PLK3: variants seen among roughly 807,000 people sequenced by gnomAD.
The protein encoded by PLK3 is polo like kinase 3, also known as serine/threonine-protein kinase PLK3.
In PLK3, 41 loss-of-function variants were observed where a neutral mutation model predicts 71.6. The ratio of observed to expected loss-of-function variants is 0.57; its 90% CI spans 0.45 to 0.74. The LOEUF is 0.74. PLK3 is among the 30% of genes least tolerant of loss of function. The pLI is 0.00. For missense variants in PLK3, 791 were observed against 875.6 expected (o/e 0.90, Z 1.22); for synonymous variants, 366 against 355.4 (o/e 1.03, Z -0.33).
At chr1:44,804,877 G>A (rs1273622912) in intron 13 of PLK3, 98 bp downstream of exon 13, 6 of 1,207,860 alleles carry the variant, frequency 5.0e-6, no homozygotes, top group South Asian at 2.7e-5. Context: ...AGGCCGAGGC[G>A]GGTGGATTAT....
In PLK3 at chr1:44,800,450, G is replaced by T; in HGVS notation, c.-14G>T. Reference sequence around the variant, plus strand: ...AACCGAGAAGCCGGGACCGCGCTGCGACGCGCCGGCCGCATGGAGCCTGCC... The same window carrying T: ...AACCGAGAAGCCGGGACCGCGCTGCTACGCGCCGGCCGCATGGAGCCTGCC... On this transcript the variant is annotated 5_prime_UTR_variant, in exon 1 of 15. Transcript: ENST00000372201. The surrounding 1 kb of genome is among the most constrained non-coding windows in gnomAD (Gnocchi z 6.5). The T allele has an allele frequency of 1.5e-6, 2 of 1,346,552 alleles. No individual in the cohort carries two copies. Among genetic ancestry groups the T allele is most frequent in the South Asian group, 1.8e-5 (1 of 55,328 alleles). The allele number at this position is 1,346,552 out of a possible 1,614,324, so 83.4% of individuals were successfully genotyped here. A position where few individuals can be genotyped will look rare whatever the true frequency, so the allele number is the denominator to read the frequency against.
In PLK3 at chr1:44,805,374, G is replaced by A; in HGVS notation, c.1744G>A (p.Val582Ile). Reference protein sequence around the residue: ...ALLMLFSDGTVQVNFYGDHTK... With the variant: ...ALLMLFSDGTIQVNFYGDHTK... ...CCTCATGCTGTTTAGTGATGGCACTGTCCAGGTAAGAGCCTATCCAGGAGT... is the reference window on the plus strand; with the variant it reads ...CCTCATGCTGTTTAGTGATGGCACTATCCAGGTAAGAGCCTATCCAGGAGT... The change falls in exon 14 of 15, where the codon GTC (valine) becomes ATC (isoleucine). Residue 582 changes from valine to isoleucine, a missense_variant. By Grantham distance (29) the Val-to-Ile change is conservative. Transcript: ENST00000372201. 1 of 1,612,946 alleles carries A rather than the reference G, an allele frequency of 6.2e-7. No homozygotes were observed. The highest frequency in any genetic ancestry group is 8.5e-7 in the Non-Finnish European group (1 of 1,178,860).
At position 44,800,700 on chromosome 1, in the gene PLK3, G is replaced by A; in HGVS notation, c.210+27G>A. 1.3e-6 allele frequency: 2 copies of A among 1,549,534 alleles called. No individual in the cohort carries two copies. Among genetic ancestry groups the A allele is most frequent in the South Asian group, 1.2e-5 (1 of 85,010 alleles). On this transcript the variant is annotated intron_variant, in intron 1 of 14. Transcript: ENST00000372201. The surrounding 1 kb of genome is among the most constrained non-coding windows in gnomAD (Gnocchi z 6.5). ...TGGGCCGAGGGACGTCCGCGGGGTG[G>A]TGATGGTGGAGGTGGGGGTCCCGGC...
rs17883524 is a variant in PLK3, at chr1:44,805,036, G to A, written c.1636-230G>A. ...AGGAGAATGGGCGAACCCAGGAGGC[G>A]GAGCTTGCAGTGAGCAGAGATGGCG... On this transcript the variant is annotated intron_variant, in intron 13 of 14. Transcript: ENST00000372201. The A allele has an allele frequency of 1.5e-3, 871 of 580,078 alleles. 5 individuals carry two copies. The highest frequency in any genetic ancestry group is 0.012 in the African/African-American group (642 of 53,506). 35.9% of individuals were successfully genotyped at this position (580,078 alleles called of 1,614,324 possible). A position where few individuals can be genotyped will look rare whatever the true frequency, so the allele number is the denominator to read the frequency against.
At chr1:44,802,347 G>A (rs575590100) in intron 5 of PLK3, among the ~76,000 whole-genome samples, 2 of 152,262 alleles carry the variant, frequency 1.3e-5, no homozygotes, top group South Asian at 4.1e-4. Flanking sequence ...TACTTTGTGT[G>A]TGTGACACAG....
In PLK3 at chr1:44,803,417, A is replaced by AGG; in HGVS notation, c.1072+30_1072+31dup. ...GTGAGTCTGGGGTGTCAGTGGGTTG[A>AGG]GGGGGCAGAGCAGTAGAGCGGCTTG... On this transcript the variant is annotated intron_variant, in intron 8 of 14. Coordinates refer to ENST00000372201, the MANE Select transcript of PLK3 (RefSeq NM_004073.4). This position sits in a 1 kb window ranked among gnomAD's most constrained non-coding sequence, Gnocchi z 4.3. 6.2e-7 allele frequency: 1 copy of AGG among 1,613,566 alleles called. No individual in the cohort carries two copies. The highest frequency in any genetic ancestry group is 8.5e-7 in the Non-Finnish European group (1 of 1,179,854).
rs1278103808 is a variant in PLK3 at position 44,803,692 on chromosome 1, G to A, written c.1164+1G>A. On this transcript the variant is annotated splice_donor_variant, in intron 9 of 14. Coordinates refer to ENST00000372201, the MANE Select transcript of PLK3 (RefSeq NM_004073.4). LOFTEE classifies it high-confidence loss of function. This position sits in a 1 kb window ranked among gnomAD's most constrained non-coding sequence, Gnocchi z 4.3. ...TGGCCATCAGGATGCCAGGCCAGAG[G>A]TGAGGCGCTCAGGTGGACACTGTTC... 1 of 1,608,728 alleles carries A rather than the reference G, an allele frequency of 6.2e-7. No individual in the cohort carries two copies. The highest frequency in any genetic ancestry group is 1.3e-5 in the African/African-American group (1 of 74,782).
At chr1:44,805,431 G>A in intron 14 of PLK3, 52 bp downstream of exon 14, 1 of 1,605,438 alleles carries the variant, frequency 6.2e-7, no homozygotes, top group Non-Finnish European at 8.5e-7. Context: ...CAGGGTGCTG[G>A]GGAGGAAGCT....
intron 12 of PLK3, 48 bp from the exon 13 acceptor site, chr1:44,804,602 A>T: frequency 6.2e-7 from 1 of 1,605,464 alleles, no homozygotes; most frequent in South Asian, 1.1e-5. Context: ...TTCTCAGAGG[A>T]GGGGCATTGG....
intron 3 of PLK3, 69 bp downstream of exon 3, chr1:44,801,221 T>G: frequency 1.9e-6 from 2 of 1,064,070 alleles, no homozygotes; most frequent in Admixed American, 2.3e-5. Context: ...TTTTTTTTTT[T>G]TTTTTTGAGA....
chr1:44,800,837 C>T lies in PLK3; in HGVS notation c.211-3C>T. ...CAACCAGCCTGATGCCCCCTCTTCACAGGGGGGCTTCGCCCGCTGCTACGA... is the reference window on the plus strand; with the variant it reads ...CAACCAGCCTGATGCCCCCTCTTCATAGGGGGGCTTCGCCCGCTGCTACGA... On this transcript the variant is annotated splice_polypyrimidine_tract_variant and splice_region_variant and intron_variant, in intron 1 of 14. Transcript: ENST00000372201. This position sits in a 1 kb window ranked among gnomAD's most constrained non-coding sequence, Gnocchi z 6.5. 1 of 1,606,850 alleles carries T rather than the reference C, an allele frequency of 6.2e-7. No homozygotes were observed. The highest frequency in any genetic ancestry group is 2.2e-5 in the East Asian group (1 of 44,754).
rs746698594 is a variant in PLK3 at position 44,801,702 on chromosome 1, C to T, written c.516C>T (p.Gly172=). ...VRYYLRQILS[G]LKYLHQRGIL... is the part of the protein sequence containing the mutation. ...ACTACCTGCGGCAGATCCTTTCTGGCCTCAAGTACTTGCACCAGCGCGGCA... is the reference window on the plus strand; with the variant it reads ...ACTACCTGCGGCAGATCCTTTCTGGTCTCAAGTACTTGCACCAGCGCGGCA... Residue 172 remains glycine (G), a synonymous_variant, in exon 4 of 15, where the codon GGC becomes GGT. Coordinates refer to ENST00000372201, the MANE Select transcript of PLK3 (RefSeq NM_004073.4). 1.2e-6 allele frequency: 2 copies of T among 1,613,446 alleles called. No individual in the cohort carries two copies. Among genetic ancestry groups the T allele is most frequent in the Non-Finnish European group, 1.7e-6 (2 of 1,179,816 alleles).
chr1:44,801,860 C>CT lies in PLK3; in HGVS notation c.582dup (p.Glu195Ter). ...CCCCATCTAGGAAATTTTTTCATCA[C>CT]TGAGAACATGGAACTGAAGGTGGGG... On this transcript the variant is annotated frameshift_variant, in exon 5 of 15. Coordinates refer to ENST00000372201, the MANE Select transcript of PLK3 (RefSeq NM_004073.4). LOFTEE classifies it high-confidence loss of function. 6.2e-7 allele frequency: 1 copy of CT among 1,613,660 alleles called. No homozygotes were observed. Among genetic ancestry groups the CT allele is most frequent in the Non-Finnish European group, 8.5e-7 (1 of 1,179,772 alleles).
In PLK3 at chr1:44,804,367, G is replaced by C. The variant is rs534449945; in HGVS notation, c.1371G>C (p.Gln457His). Residue 457 changes from glutamine to histidine, a missense_variant, in exon 12 of 15, where the codon CAG (glutamine) becomes CAC (histidine). Physicochemically the swap from Gln to His is conservative, Grantham distance 24. Transcript: ENST00000372201. ...AACAGAACCCGGCCCCCCTGGCCCA[G>C]CCAGAGCCTCTGGTGTGGGTCAGCA... is the stretch of plus-strand genomic sequence containing the variant. ...PAEQNPAPLA[Q>H]PEPLVWVSKW... 20 of 1,614,172 alleles carry C rather than the reference G, an allele frequency of 1.2e-5. No homozygotes were observed. In the African/African-American group the frequency reaches 2.4e-4, roughly 19 times the overall value.
Position 44,800,867 on chromosome 1 carries a change from A to G in PLK3, c.238A>G (p.Thr80Ala), listed in dbSNP as rs750147974. Residue 80 changes from threonine (T) to alanine (A), a missense_variant, in exon 2 of 15, where the codon ACT becomes GCT. By Grantham distance (58) the Thr-to-Ala change is moderately conservative. Coordinates refer to ENST00000372201, the MANE Select transcript of PLK3 (RefSeq NM_004073.4). This position sits in a 1 kb window ranked among gnomAD's most constrained non-coding sequence, Gnocchi z 6.5. ...KGGFARCYEATDTETGSAYAV... is the reference protein window; with the variant it reads ...KGGFARCYEAADTETGSAYAV... ...GGGCTTCGCCCGCTGCTACGAGGCCACTGACACAGAGACTGGCAGCGCCTA... is the reference window on the plus strand; with the variant it reads ...GGGCTTCGCCCGCTGCTACGAGGCCGCTGACACAGAGACTGGCAGCGCCTA... 6 of 1,611,576 alleles carry G rather than the reference A, an allele frequency of 3.7e-6. No homozygotes were observed. The highest frequency in any genetic ancestry group is 1.1e-5 in the South Asian group (1 of 91,020).
intron 3 of PLK3, 51 bp downstream of exon 3, chr1:44,801,203 CTTTTTTTTTTT>C (rs34463102): frequency 6.1e-5 from 21 of 345,232 alleles, no homozygotes; most frequent in South Asian, 3.2e-4. Flanking sequence ...AGAAGACAGT[CTTTTTTTTTTT>C]TTTTTTTTTT....
chr1:44,802,068 C>T (rs1651852421), intron 5 of PLK3, 136 bp downstream of exon 5: 1 of 701,628 alleles, frequency 1.4e-6, no homozygotes, highest in Non-Finnish European at 2.4e-6. Context: ...GCTGTTCATG[C>T]ATGTGTGAAG....
intron 5 of PLK3, among the ~76,000 whole-genome samples, chr1:44,802,314 A>G (rs1252692799): frequency 2.0e-5 from 3 of 152,022 alleles, no homozygotes; most frequent in African/African-American, 7.3e-5. Context: ...TGTGGGTGTA[A>G]GAAGACCCTG....
intron 5 of PLK3, 76 bp downstream of exon 5, chr1:44,802,008 G>T: frequency 1.8e-6 from 2 of 1,091,012 alleles, no homozygotes; most frequent in Non-Finnish European, 2.7e-6. Context: ...TATGTGGGAG[G>T]CAAGGTGACT....
Sources: allele counts gnomAD v4.1 joint callset (sites outside exome capture counted in the v4.1 genomes callset), GRCh38; gene constraint gnomAD v4.1.1; non-coding constraint Gnocchi (gnomAD v3.1); transcripts MANE v1.5; gene names NCBI Gene and HGNC (gene_info 2026-07-23, HGNC 2026-07-21).